FNTB: variants seen among roughly 807,000 people sequenced by gnomAD.
FNTB encodes the protein protein farnesyltransferase subunit beta.
Under a neutral mutation model 59.4 loss-of-function variants are expected in FNTB, and 27 were observed. The observed-to-expected ratio is 0.45, with a 90% CI of 0.34 to 0.63. The LOEUF (loss-of-function observed/expected upper bound fraction) is 0.63, where lower values mean the gene tolerates loss of function less well. FNTB is among the 20% of genes least tolerant of loss of function. The pLI is 0.02. For synonymous variants in FNTB, 230 were observed against 220.7 expected (o/e 1.04, Z -0.37); for missense variants, 449 against 559.6 (o/e 0.80, Z 1.99).
intron 1 of FNTB, among the ~76,000 whole-genome samples, chr14:64,996,915 T>C (rs1888420532): frequency 6.6e-6 from 1 of 152,128 alleles, no homozygotes; most frequent in Admixed American, 6.6e-5. Flanking sequence ...TGTGTGTGCA[T>C]CCTTCCACTT....
chr14:65,024,828 A>G (rs1323663587), intron 4 of FNTB, among the ~76,000 whole-genome samples: 1 of 152,190 alleles, frequency 6.6e-6, no homozygotes, highest in Non-Finnish European at 1.5e-5. Flanking sequence ...TGTGTTGCCC[A>G]GGCTGGTCTT....
Position 65,049,614 on chromosome 14 carries a change from T to C in FNTB, c.956-3624T>C, listed in dbSNP as rs187850254. Reference sequence around the variant, plus strand: ...AATATAGGAAGTCACTGAAACAGTCTATAGTTTTTTATATAATAAACATAG... The same window carrying C: ...AATATAGGAAGTCACTGAAACAGTCCATAGTTTTTTATATAATAAACATAG... On this transcript the variant is annotated intron_variant, in intron 9 of 11. Transcript: ENST00000246166. Among the ~76,000 whole-genome samples, 12 of 152,320 alleles carry C rather than the reference T, an allele frequency of 7.9e-5. No homozygotes were observed. In the East Asian group the frequency reaches 2.3e-3, roughly 29 times the overall value.
rs1658058653 is a variant in FNTB, at chr14:65,009,877, C to T, written c.210-2440C>T. On this transcript the variant is annotated intron_variant, in intron 2 of 11. Coordinates refer to ENST00000246166, the MANE Select transcript of FNTB (RefSeq NM_002028.4). This position sits in a 1 kb window ranked among gnomAD's most constrained non-coding sequence, Gnocchi z 4.2. Reference sequence around the variant, plus strand: ...ACAGCGTTTATTGGACAGGGCTCTGCTTGTCATTTTCACATGTGTGTCCAC... The same window carrying T: ...ACAGCGTTTATTGGACAGGGCTCTGTTTGTCATTTTCACATGTGTGTCCAC... 6.6e-6 allele frequency among the ~76,000 whole-genome samples: 1 copy of T among 152,120 alleles called. No homozygotes were observed.
Position 65,053,443 on chromosome 14 carries a change from A to C in FNTB, c.1067+94A>C, listed in dbSNP as rs150885976. On this transcript the variant is annotated intron_variant, in intron 10 of 11. Transcript: ENST00000246166. Reference sequence around the variant, plus strand: ...CTACTCAGAGCCAGATCTCAAGAGCAGAGGTGTCACCTTCAGCACCTGCAT... The same window carrying C: ...CTACTCAGAGCCAGATCTCAAGAGCCGAGGTGTCACCTTCAGCACCTGCAT... The C allele has an allele frequency of 3.6e-5, 40 of 1,102,748 alleles. 1 individual carries two copies. In the African/African-American group the frequency reaches 5.0e-4, roughly 14 times the overall value. The allele number at this position is 1,102,748 out of a possible 1,614,324, so 68.3% of individuals were successfully genotyped here.
At chr14:65,015,541 G>A in intron 3 of FNTB, 84 bp from the exon 4 acceptor site, 15 of 1,439,770 alleles carry the variant, frequency 1.0e-5, no homozygotes, top group Non-Finnish European at 1.4e-5. Context: ...CCAGGCTGCT[G>A]GGAGTGAGAC....
rs149912608 is a variant in FNTB, at chr14:65,001,226, A to T, written c.145-3023A>T. Among the ~76,000 whole-genome samples, 647 of 152,358 alleles carry T rather than the reference A, an allele frequency of 4.2e-3. 4 individuals carry two copies. The highest frequency in any genetic ancestry group is 0.015 in the African/African-American group (611 of 41,578). On this transcript the variant is annotated intron_variant, in intron 1 of 11. Transcript: ENST00000246166. The surrounding 1 kb of genome is among the most constrained non-coding windows in gnomAD (Gnocchi z 5.5). ...TACAGGCGTGCACTATATAACAATC[A>T]ACAGACTACATATACCACAGTGGTC... is the stretch of plus-strand genomic sequence containing the variant.
In FNTB at chr14:65,044,303, C is replaced by T; in HGVS notation, c.823-8C>T. On this transcript the variant is annotated splice_polypyrimidine_tract_variant and splice_region_variant and intron_variant, in intron 8 of 11. Transcript: ENST00000246166. The surrounding 1 kb of genome is among the most constrained non-coding windows in gnomAD (Gnocchi z 5.5). ...CTACAACTGCCTTTCCCATCTGTGT[C>T]TCCTCAGCAATGGGTGACAAGCCGG... The T allele has an allele frequency of 6.2e-7, 1 of 1,612,630 alleles. No individual in the cohort carries two copies. The highest frequency in any genetic ancestry group is 8.5e-7 in the Non-Finnish European group (1 of 1,179,454).
rs59414553 is a variant in FNTB at position 65,001,156 on chromosome 14, C to A, written c.145-3093C>A. On this transcript the variant is annotated intron_variant, in intron 1 of 11. Coordinates refer to ENST00000246166, the MANE Select transcript of FNTB (RefSeq NM_002028.4). The surrounding 1 kb of genome is among the most constrained non-coding windows in gnomAD (Gnocchi z 5.5). ...ATTTTTCTTTTCTCGATTGCAGTTA[C>A]ATTGTACTAGGAGGTATTATAAGTA... Among the ~76,000 whole-genome samples the A allele has an allele frequency of 5.9e-5, 9 of 152,166 alleles. No homozygotes were observed. Among genetic ancestry groups the A allele is most frequent in the Admixed American group, 2.0e-4 (3 of 15,280 alleles).
rs1260260389 is a variant in FNTB at position 65,047,245 on chromosome 14, G to C, written c.955+2802G>C. Among the ~76,000 whole-genome samples the C allele has an allele frequency of 6.6e-6, 1 of 152,172 alleles. No individual in the cohort carries two copies. Among genetic ancestry groups the C allele is most frequent in the Non-Finnish European group, 1.5e-5 (1 of 68,042 alleles). On this transcript the variant is annotated intron_variant, in intron 9 of 11. Transcript: ENST00000246166. This position sits in a 1 kb window ranked among gnomAD's most constrained non-coding sequence, Gnocchi z 5.2. The stretch of plus-strand genomic sequence containing the variant: ...CATTTAATTCTCAAAACAACCCTAT[G>C]AAATAGGTACCATTGTTTACAGATG...
chr14:65,004,458 C>A, intron 2 of FNTB, 145 bp downstream of exon 2: 1 of 825,872 alleles, frequency 1.2e-6, no homozygotes, highest in Non-Finnish European at 1.9e-6. Flanking sequence ...CCTGGATATG[C>A]TAAGACCCCC....
chr14:65,035,753 T>G (rs1566560804), intron 7 of FNTB, among the ~76,000 whole-genome samples: 1 of 151,956 alleles, frequency 6.6e-6, no homozygotes, highest in Non-Finnish European at 1.5e-5. Context: ...AGGTGGGGCT[T>G]GAACTCCTGG....
Position 65,054,647 on chromosome 14 carries a change from C to A in FNTB, c.1140C>A (p.Ala380=). ...TAGCCCAGCACTTCGGCAGCGGAGC[C>A]ATGTTGCATGATGTGGTCCTGGGTG... The part of the protein sequence containing the change: ...LSIAQHFGSG[A]MLHDVVLGVP... Residue 380 remains alanine (A), a synonymous_variant, in exon 11 of 12, where the codon GCC becomes GCA. Transcript: ENST00000246166. The surrounding 1 kb of genome is among the most constrained non-coding windows in gnomAD (Gnocchi z 4.4). 6.2e-7 allele frequency: 1 copy of A among 1,613,568 alleles called. No individual in the cohort carries two copies. The highest frequency in any genetic ancestry group is 8.5e-7 in the Non-Finnish European group (1 of 1,179,800).
In FNTB at chr14:64,991,949, G is replaced by A. The variant is rs1452909136; in HGVS notation, c.144+4852G>A. Among the ~76,000 whole-genome samples, 1 of 152,176 alleles carries A rather than the reference G, an allele frequency of 6.6e-6. No individual in the cohort carries two copies. Among genetic ancestry groups the A allele is most frequent in the Non-Finnish European group, 1.5e-5 (1 of 68,030 alleles). ...GAGGCAGGTGATGTGCTGGCTTCAG[G>A]TTCGGGCAGTGGGCCACCACATATC... On this transcript the variant is annotated intron_variant, in intron 1 of 11. Coordinates refer to ENST00000246166, the MANE Select transcript of FNTB (RefSeq NM_002028.4). This position sits in a 1 kb window ranked among gnomAD's most constrained non-coding sequence, Gnocchi z 4.4.
rs1390934205 is a variant in FNTB at position 65,005,497 on chromosome 14, CTTTCTTTCT to C, written c.209+1187_209+1195del. ...TCTTTCTTTCTTTCTTTCTTTCTTT[CTTTCTTTCT>C]TTCTTTCTCTCTCTCTTTCTCTTTC... On this transcript the variant is annotated intron_variant, in intron 2 of 11. Coordinates refer to ENST00000246166, the MANE Select transcript of FNTB (RefSeq NM_002028.4). 2.1e-3 allele frequency among the ~76,000 whole-genome samples: 293 copies of C among 136,844 alleles called. 1 individual carries two copies. The highest frequency in any genetic ancestry group is 8.4e-3 in the African/African-American group (272 of 32,554). The allele number at this position is 136,844 out of a possible 152,430, so 89.8% of individuals were successfully genotyped here. A position where few individuals can be genotyped will look rare whatever the true frequency, so the allele number is the denominator to read the frequency against.
At chr14:65,019,635 TGA>T (rs2061849591) in intron 4 of FNTB, among the ~76,000 whole-genome samples, 1 of 152,250 alleles carries the variant, frequency 6.6e-6, no homozygotes, top group African/African-American at 2.4e-5. Flanking sequence ...TGACAGTTAA[TGA>T]GAGTTTCTGC....
chr14:65,024,328 AT>A lies in FNTB; in HGVS notation c.375-3118del, dbSNP rs36123699. The stretch of plus-strand genomic sequence containing the variant: ...AATTAGGTGTGGCTTGGGTGTTGGG[AT>A]TTTTTTAAAACACCCCCCAAGTAAT... On this transcript the variant is annotated intron_variant, in intron 4 of 11. Coordinates refer to ENST00000246166, the MANE Select transcript of FNTB (RefSeq NM_002028.4). 6.3e-3 allele frequency among the ~76,000 whole-genome samples: 955 copies of A among 151,932 alleles called. 17 individuals are homozygous for A. Among genetic ancestry groups the A allele is most frequent in the South Asian group, 0.044 (210 of 4,804 alleles).
chr14:65,015,692 C>G lies in FNTB; in HGVS notation c.350C>G (p.Pro117Arg), dbSNP rs764508897. 1 of 1,614,120 alleles carries G rather than the reference C, an allele frequency of 6.2e-7. No homozygotes were observed. The highest frequency in any genetic ancestry group is 1.1e-5 in the South Asian group (1 of 91,082). ...ILHSLELLDEPIPQIVATDVC... is the reference protein window; with the variant it reads ...ILHSLELLDERIPQIVATDVC... The stretch of plus-strand genomic sequence containing the variant: ...CACAGCTTGGAACTGCTAGATGAAC[C>G]CATCCCCCAGATAGTGGCTACAGAG... Residue 117 changes from proline (P) to arginine (R), a missense_variant, in exon 4 of 12, where the codon CCC becomes CGC. This residue lies in a region of FNTB where 337 missense variants were observed against 479.1 expected (regional missense o/e 0.70). Coordinates refer to ENST00000246166, the MANE Select transcript of FNTB (RefSeq NM_002028.4).
In FNTB at chr14:65,027,248, A is replaced by T; in HGVS notation, c.375-205A>T. The T allele has an allele frequency of 1.3e-6, 1 of 792,546 alleles. No homozygotes were observed. Among genetic ancestry groups the T allele is most frequent in the Non-Finnish European group, 1.9e-6 (1 of 518,806 alleles). 49.1% of individuals were successfully genotyped at this position (792,546 alleles called of 1,614,324 possible). On this transcript the variant is annotated intron_variant, in intron 4 of 11. Transcript: ENST00000246166. This position sits in a 1 kb window ranked among gnomAD's most constrained non-coding sequence, Gnocchi z 5.7. ...CAACAAGCGCTTAAGTACGAAACTC[A>T]GAGGAGGGCAGACAGAAATGATGAT...
At chr14:65,024,624 C>T (rs2061947505) in intron 4 of FNTB, among the ~76,000 whole-genome samples, 2 of 152,154 alleles carry the variant, frequency 1.3e-5, no homozygotes, top group African/African-American at 2.4e-5. Flanking sequence ...TGATGTATTG[C>T]AGCTTTCAGT....
Sources: gnomAD v4.1 joint callset for allele counts (sites outside exome capture counted in the v4.1 genomes callset) on GRCh38, gnomAD v4.1.1 for gene constraint, gnomAD v4.1.1 regional missense constraint, Gnocchi (gnomAD v3.1) non-coding constraint, MANE v1.5 for transcripts, NCBI Gene and HGNC (gene_info 2026-07-23, HGNC 2026-07-21) for gene names.